Variants in NEDD4 observed in about 807,000 individuals in gnomAD.
NEDD4 encodes NEDD4 E3 ubiquitin protein ligase.
A neutral mutation model predicts 144.9 loss-of-function variants in NEDD4; 99 were observed. The observed-to-expected ratio is 0.68, with a 90% CI of 0.58 to 0.81. NEDD4 has a LOEUF of 0.81. Among genes scored for constraint, NEDD4 ranks in the 30% least tolerant of loss-of-function variants. The pLI is 0.00. For synonymous variants in NEDD4, 318 were observed against 350.6 expected, an observed-to-expected ratio of 0.91 and a Z score of 1.04; for missense variants, 985 against 1,065.9, an observed-to-expected ratio of 0.92 and a Z score of 1.06.
chr15:55,991,808 A>G (rs766468144), intron 1 of NEDD4: 3 of 152,222 alleles, frequency 2.0e-5, no homozygotes, highest in East Asian at 1.9e-4. Context: ...AACTGCCACA[A>G]TTAGTTTTAT....
chr15:55,985,375 C>T (rs2037873318), intron 1 of NEDD4, among the ~76,000 whole-genome samples: 1 of 152,180 alleles, frequency 6.6e-6, no homozygotes, highest in Non-Finnish European at 1.5e-5. Context: ...AGATACCATA[C>T]AGAGATGCAT....
intron 1 of NEDD4, among the ~76,000 whole-genome samples, chr15:55,983,298 G>A (rs1442193435): frequency 6.9e-6 from 1 of 144,632 alleles, no homozygotes; most frequent in East Asian, 2.1e-4. Flanking sequence ...GTGTGTGTGT[G>A]TGCGTGCGCG....
chr15:55,988,838 T>G (rs1412838065), intron 1 of NEDD4, among the ~76,000 whole-genome samples: 7 of 152,032 alleles, frequency 4.6e-5, no homozygotes. Context: ...CAAAAAAAGG[T>G]GATGGAACAA....
intron 5 of NEDD4, among the ~76,000 whole-genome samples, chr15:55,918,258 T>G (rs2036501466): frequency 6.6e-6 from 1 of 152,168 alleles, no homozygotes; most frequent in Admixed American, 6.6e-5. Context: ...TGCTTTGTAT[T>G]TATTTAACCT....
Position 55,869,561 on chromosome 15 carries a change from A to G in NEDD4, c.507+18T>C, listed in dbSNP as rs1337119442. The G allele has an allele frequency of 1.3e-6, 2 of 1,488,684 alleles. No homozygotes were observed. The highest frequency in any genetic ancestry group is 1.8e-6 in the Non-Finnish European group (2 of 1,098,088). 92.2% of individuals were successfully genotyped at this position (1,488,684 alleles called of 1,614,324 possible). Reference sequence around the variant, plus strand: ...ATTAAAATTTTTTTAGTTTAACCAAATATTTATAAAATCTCACCTCTAATT... The same window carrying G: ...ATTAAAATTTTTTTAGTTTAACCAAGTATTTATAAAATCTCACCTCTAATT... On this transcript the variant is annotated intron_variant, in intron 8 of 28. Transcript: ENST00000435532.
intron 8 of NEDD4, among the ~76,000 whole-genome samples, chr15:55,864,852 T>C (rs2034531447): frequency 6.6e-6 from 1 of 152,062 alleles, no homozygotes; most frequent in Non-Finnish European, 1.5e-5. Context: ...GTGGTTCTGG[T>C]GCATGCATCG....
intron 5 of NEDD4, among the ~76,000 whole-genome samples, chr15:55,879,152 CAA>C (rs2035096032): frequency 6.6e-6 from 1 of 151,974 alleles, no homozygotes; most frequent in Non-Finnish European, 1.5e-5. Flanking sequence ...AAAGAAGATA[CAA>C]AAGAGTACAT....
intron 5 of NEDD4, among the ~76,000 whole-genome samples, chr15:55,907,827 T>C (rs1033308339): frequency 5.3e-5 from 8 of 152,228 alleles, no homozygotes; most frequent in Admixed American, 2.0e-4. Context: ...TAAAGATCTT[T>C]GTCCATTCAA....
At chr15:55,859,832 G>C (rs536217853) in intron 11 of NEDD4, among the ~76,000 whole-genome samples, 1 of 152,276 alleles carries the variant, frequency 6.6e-6, no homozygotes, top group Admixed American at 6.5e-5. Context: ...TGTAATCGTG[G>C]CTGAATATAG....
At position 55,840,996 on chromosome 15, in the gene NEDD4, C is replaced by T. The variant is rs942640231; in HGVS notation, c.1839-269G>A. Among the ~76,000 whole-genome samples the T allele has an allele frequency of 5.4e-4, 80 of 149,018 alleles. 1 individual carries two copies. The highest frequency in any genetic ancestry group is 1.4e-3 in the Admixed American group (21 of 14,680). On this transcript the variant is annotated intron_variant, in intron 19 of 28. Coordinates refer to ENST00000435532, the MANE Select transcript of NEDD4 (RefSeq NM_006154.4). ...TCGCCCAGGCTGGAGTGCAATGACACGGTCACAGCTCACTGCAACCTCCGC... is the reference window on the plus strand; with the variant it reads ...TCGCCCAGGCTGGAGTGCAATGACATGGTCACAGCTCACTGCAACCTCCGC...
At chr15:55,949,537 A>G (rs2037195451) in intron 4 of NEDD4, among the ~76,000 whole-genome samples, 2 of 152,210 alleles carry the variant, frequency 1.3e-5, no homozygotes, top group African/African-American at 4.8e-5. Context: ...AATAGCAAAG[A>G]CTTGGAACCA....
intron 1 of NEDD4, among the ~76,000 whole-genome samples, chr15:55,975,579 G>A (rs2142346054): frequency 6.6e-6 from 1 of 151,806 alleles, no homozygotes; most frequent in East Asian, 1.9e-4. Flanking sequence ...CCAAAGAAGT[G>A]AGAGATCTCT....
At chr15:55,943,508 G>T (rs975379579) in intron 4 of NEDD4, among the ~76,000 whole-genome samples, 1 of 152,166 alleles carries the variant, frequency 6.6e-6, no homozygotes. Flanking sequence ...GTCTCAGGCC[G>T]CTGCTCTAGA....
At position 55,860,661 on chromosome 15, in the gene NEDD4, C is replaced by G. The variant is rs1288040142; in HGVS notation, c.792G>C (p.Glu264Asp). Residue 264 changes from glutamate (E) to aspartate (D), a missense_variant and splice_region_variant, in exon 10 of 29, where the codon GAG becomes GAC. Glu to Asp is a conservative substitution (Grantham distance 45). Coordinates refer to ENST00000435532, the MANE Select transcript of NEDD4 (RefSeq NM_006154.4). ...AGGAGAACTAGGAAACTACTTATAC[C>G]TCGGAAGACTCTCGGTTGTCAACAC... Reference protein sequence around the residue: ...TESVDNRESSENWEIIREDEA... With the variant: ...TESVDNRESSDNWEIIREDEA... 3 of 1,614,064 alleles carry G rather than the reference C, an allele frequency of 1.9e-6. No individual in the cohort carries two copies. The highest frequency in any genetic ancestry group is 2.5e-6 in the Non-Finnish European group (3 of 1,179,946).
At chr15:55,988,020 C>A (rs1457421924) in intron 1 of NEDD4, 3 of 151,674 alleles carry the variant, frequency 2.0e-5, no homozygotes, top group Non-Finnish European at 4.4e-5. Context: ...AAAGTCATTG[C>A]ACACGTATGT....
chr15:55,882,459 T>C (rs139947511), intron 5 of NEDD4, among the ~76,000 whole-genome samples: 2 of 152,292 alleles, frequency 1.3e-5, no homozygotes, highest in Non-Finnish European at 2.9e-5. Context: ...CCATGGTCCA[T>C]GAAGGTGGCA....
intron 18 of NEDD4, among the ~76,000 whole-genome samples, chr15:55,842,653 C>T (rs1314281279): frequency 6.6e-6 from 1 of 152,220 alleles, no homozygotes; most frequent in Non-Finnish European, 1.5e-5. Context: ...GCTGAGATTA[C>T]AGGCATAAGC....
chr15:55,850,552 G>T lies in NEDD4; in HGVS notation c.1337C>A (p.Thr446Asn). The T allele has an allele frequency of 6.2e-7, 1 of 1,614,110 alleles. No individual in the cohort carries two copies. The highest frequency in any genetic ancestry group is 8.5e-7 in the Non-Finnish European group (1 of 1,179,982). The change falls in exon 14 of 29, where the codon ACC (threonine) becomes AAC (asparagine). Residue 446 changes from threonine to asparagine, a missense_variant. By Grantham distance (65) the Thr-to-Asn change is moderately conservative. Coordinates refer to ENST00000435532, the MANE Select transcript of NEDD4 (RefSeq NM_006154.4). ...AAGTATCAAAGTTACCCAGGTGGTGGTTTTAGTGTTGTGGTCAATAAAGAA... is the reference window on the plus strand; with the variant it reads ...AAGTATCAAAGTTACCCAGGTGGTGTTTTTAGTGTTGTGGTCAATAAAGAA... Reference protein sequence around the residue: ...RPFFIDHNTKTTTWEDPRLKI... With the variant: ...RPFFIDHNTKNTTWEDPRLKI...
rs2034027786 is a variant in NEDD4 at position 55,852,561 on chromosome 15, A to C, written c.1027-18T>G. On this transcript the variant is annotated intron_variant, in intron 12 of 28. Transcript: ENST00000435532. Reference sequence around the variant, plus strand: ...GGCAAAAGCTAAAGTGAAGAATAACAGAAGAATTAAATACATCAAGTTTAA... The same window carrying C: ...GGCAAAAGCTAAAGTGAAGAATAACCGAAGAATTAAATACATCAAGTTTAA... 6.2e-7 allele frequency: 1 copy of C among 1,611,178 alleles called. No individual in the cohort carries two copies. The highest frequency in any genetic ancestry group is 8.5e-7 in the Non-Finnish European group (1 of 1,178,576).
Sources: allele counts gnomAD v4.1 joint callset (sites outside exome capture counted in the v4.1 genomes callset), GRCh38; gene constraint gnomAD v4.1.1; transcripts MANE v1.5; gene names NCBI Gene and HGNC (gene_info 2026-07-23, HGNC 2026-07-21).